LSM1: variants seen among roughly 807,000 people sequenced by gnomAD.
The protein encoded by LSM1 is LSM1 homolog, mRNA degradation associated.
LSM1 carries 13 observed loss-of-function variants against 18.0 expected under a neutral mutation model. The observed-to-expected ratio is 0.72, with a 90% confidence interval of 0.47 to 1.15. LSM1 has a LOEUF of 1.15. Ranked by LOEUF, LSM1 falls within the 50% of genes most tolerant of loss-of-function variation. LSM1 has a pLI of 0.00. For synonymous variants in LSM1, 46 were observed against 56.0 expected, an observed-to-expected ratio of 0.82 and a Z score of 0.80; for missense variants, 152 against 157.7, an observed-to-expected ratio of 0.96 and a Z score of 0.19.
rs1165525308 is a variant in LSM1 at position 38,163,554 on chromosome 8, A to C, written c.*116T>G. ...TGCATATGTAAAATAATTAAAAATAAAAGTGACTTTTCAAAACTCTACAGT... is the reference window on the plus strand; with the variant it reads ...TGCATATGTAAAATAATTAAAAATACAAGTGACTTTTCAAAACTCTACAGT... On this transcript the variant is annotated 3_prime_UTR_variant, in exon 4 of 4. Coordinates refer to ENST00000311351, the MANE Select transcript of LSM1 (RefSeq NM_014462.3). 2.3e-6 allele frequency: 2 copies of C among 866,568 alleles called. No individual in the cohort carries two copies. Among genetic ancestry groups the C allele is most frequent in the Non-Finnish European group, 3.5e-6 (2 of 578,570 alleles). The allele number at this position is 866,568 out of a possible 1,614,324, so 53.7% of individuals were successfully genotyped here.
rs571931996 is a variant in LSM1, at chr8:38,172,106, G to A, written c.47-73C>T. On this transcript the variant is annotated intron_variant, in intron 1 of 3. Coordinates refer to ENST00000311351, the MANE Select transcript of LSM1 (RefSeq NM_014462.3). ...CGAGTATTTAGGATAATAATTAACA[G>A]TTTAAGCTGTACCACTTCCTCGGCC... 4.1e-5 allele frequency: 43 copies of A among 1,053,202 alleles called. No individual in the cohort carries two copies. The South Asian group carries it at 5.6e-4, about 14-fold the overall frequency. The allele number at this position is 1,053,202 out of a possible 1,614,324, so 65.2% of individuals were successfully genotyped here.
At chr8:38,173,382 G>GA (rs1348261835) in intron 1 of LSM1, among the ~76,000 whole-genome samples, 1 of 151,856 alleles carries the variant, frequency 6.6e-6, no homozygotes, top group Non-Finnish European at 1.5e-5. Flanking sequence ...GGGGCGGGGG[G>GA]GGAGAAGGAA....
At chr8:38,165,412 C>A (rs1018107296) in intron 3 of LSM1, among the ~76,000 whole-genome samples, 1 of 151,848 alleles carries the variant, frequency 6.6e-6, no homozygotes, top group Non-Finnish European at 1.5e-5. Context: ...AATACACACT[C>A]ATCGTAGATA....
intron 1 of LSM1, 40 bp from the exon 2 acceptor site, chr8:38,172,073 A>C (rs764238698): frequency 6.7e-6 from 9 of 1,351,958 alleles, no homozygotes; most frequent in African/African-American, 1.5e-5. Context: ...GAAAACTGAC[A>C]AGTTCAGCGA....
At chr8:38,170,290 G>A (rs919203293) in intron 2 of LSM1, among the ~76,000 whole-genome samples, 7 of 152,096 alleles carry the variant, frequency 4.6e-5, no homozygotes, top group Admixed American at 4.6e-4. Context: ...GCCCACCTCG[G>A]CCTTCCAAAG....
chr8:38,171,964 C>G lies in LSM1; in HGVS notation c.115+1G>C. 6.2e-7 allele frequency: 1 copy of G among 1,604,030 alleles called. No homozygotes were observed. The highest frequency in any genetic ancestry group is 8.5e-7 in the Non-Finnish European group (1 of 1,173,148). On this transcript the variant is annotated splice_donor_variant, in intron 2 of 3. Transcript: ENST00000311351. LOFTEE classifies it high-confidence loss of function. ...AGAGATGTCCATAAATTAATACATA[C>G]CAAATTGATCAATGCTTCTTAAAAA...
Position 38,163,565 on chromosome 8 carries a change from T to A in LSM1, c.*105A>T. ...AATAATTAAAAATAAAAGTGACTTT[T>A]CAAAACTCTACAGTCTGTGATCAAA... On this transcript the variant is annotated 3_prime_UTR_variant, in exon 4 of 4. Coordinates refer to ENST00000311351, the MANE Select transcript of LSM1 (RefSeq NM_014462.3). 1.0e-6 allele frequency: 1 copy of A among 992,848 alleles called. No individual in the cohort carries two copies. Among genetic ancestry groups the A allele is most frequent in the Non-Finnish European group, 1.5e-6 (1 of 684,454 alleles). 61.5% of individuals were successfully genotyped at this position (992,848 alleles called of 1,614,324 possible).
chr8:38,174,774 G>A (rs1371128713), intron 1 of LSM1, among the ~76,000 whole-genome samples: 1 of 152,028 alleles, frequency 6.6e-6, no homozygotes, highest in African/African-American at 2.4e-5. Flanking sequence ...TGTAATCCCA[G>A]TACTCTGGGA....
intron 2 of LSM1, among the ~76,000 whole-genome samples, chr8:38,171,512 C>A (rs1242303378): frequency 2.0e-5 from 3 of 152,154 alleles, no homozygotes; most frequent in South Asian, 4.1e-4. Flanking sequence ...ACTAAAAATA[C>A]AAAAATTAGC....
chr8:38,173,775 C>T (rs547868916), intron 1 of LSM1, among the ~76,000 whole-genome samples: 1 of 152,222 alleles, frequency 6.6e-6, no homozygotes, highest in Non-Finnish European at 1.5e-5. Flanking sequence ...AACAGTAAGA[C>T]TGGAAAACCA....
Position 38,176,470 on chromosome 8 carries a change from G to A in LSM1, c.-150C>T, listed in dbSNP as rs1052949829. 4 of 649,968 alleles carry A rather than the reference G, an allele frequency of 6.2e-6. No individual in the cohort carries two copies. Among genetic ancestry groups the A allele is most frequent in the African/African-American group, 3.6e-5 (2 of 55,050 alleles). The allele number at this position is 649,968 out of a possible 1,614,324, so 40.3% of individuals were successfully genotyped here. On this transcript the variant is annotated 5_prime_UTR_variant, in exon 1 of 4. Transcript: ENST00000311351. The stretch of plus-strand genomic sequence containing the variant: ...TCTGCCCCGGCTTTCAGCCGCCGGG[G>A]GCTGCCGGAAGCTCCTCCATATTAC...
chr8:38,165,909 T>C (rs957841137), intron 3 of LSM1: 1 of 152,080 alleles, frequency 6.6e-6, no homozygotes, highest in African/African-American at 2.4e-5. Context: ...AAACCCACAA[T>C]GCAAATACTG....
chr8:38,164,735 G>A (rs1802901625), intron 3 of LSM1, among the ~76,000 whole-genome samples: 1 of 151,958 alleles, frequency 6.6e-6, no homozygotes, highest in Non-Finnish European at 1.5e-5. Flanking sequence ...AGGCTGAGGT[G>A]GAAGGACTGC....
At chr8:38,171,009 G>A (rs1191551927) in intron 2 of LSM1, 1 of 438,408 alleles carries the variant, frequency 2.3e-6, no homozygotes, top group South Asian at 1.6e-5. Context: ...TGAACATGAA[G>A]TTCCTTGAAA....
intron 3 of LSM1, among the ~76,000 whole-genome samples, chr8:38,164,748 G>C (rs556395788): frequency 4.6e-4 from 70 of 152,180 alleles, no homozygotes; most frequent in African/African-American, 1.5e-3. Flanking sequence ...AGGACTGCTT[G>C]AGCCTGGGAG....
intron 3 of LSM1, among the ~76,000 whole-genome samples, chr8:38,167,179 T>C (rs1379830568): frequency 3.3e-5 from 5 of 152,158 alleles, no homozygotes; most frequent in African/African-American, 1.2e-4. Flanking sequence ...AAAGGGAACT[T>C]TTCCTCACAA....
Position 38,176,324 on chromosome 8 carries a change from G to T in LSM1, c.-4C>A. 6.2e-7 allele frequency: 1 copy of T among 1,611,866 alleles called. No individual in the cohort carries two copies. Among genetic ancestry groups the T allele is most frequent in the South Asian group, 1.1e-5 (1 of 90,502 alleles). The stretch of plus-strand genomic sequence containing the variant: ...CGGTGCCAGGCATATAGTTCATTTT[G>T]AACTGAAATAATGCTGCAATGCACA... On this transcript the variant is annotated 5_prime_UTR_variant, in exon 1 of 4. Coordinates refer to ENST00000311351, the MANE Select transcript of LSM1 (RefSeq NM_014462.3).
In LSM1 at chr8:38,163,815, G is replaced by A; in HGVS notation, c.257C>T (p.Pro86Leu). 1 of 1,613,990 alleles carries A rather than the reference G, an allele frequency of 6.2e-7. No homozygotes were observed. ...TTCTTCAATGGATACTTGCTGGAGG[G>A]GTGTGTCACTCTCCTTTTCCAAGTC... is the stretch of plus-strand genomic sequence containing the variant. Reference protein sequence around the residue: ...EIDLEKESDTPLQQVSIEEIL... With the variant: ...EIDLEKESDTLLQQVSIEEIL... The change falls in exon 4 of 4, where the codon CCC (proline) becomes CTC (leucine). Residue 86 changes from proline (P) to leucine (L), a missense_variant. Transcript: ENST00000311351.
chr8:38,172,585 G>A (rs1803050711), intron 1 of LSM1, among the ~76,000 whole-genome samples: 1 of 152,116 alleles, frequency 6.6e-6, no homozygotes, highest in Non-Finnish European at 1.5e-5. Context: ...ACCTCCCAAA[G>A]TGCTGGGATT....
Sources: gnomAD v4.1 joint callset for allele counts (sites outside exome capture counted in the v4.1 genomes callset) on GRCh38, gnomAD v4.1.1 for gene constraint, MANE v1.5 for transcripts, NCBI Gene and HGNC (gene_info 2026-07-23, HGNC 2026-07-21) for gene names.